SGCD: variants seen among roughly 807,000 people sequenced by gnomAD.
SGCD encodes the protein delta-sarcoglycan.
In SGCD, 18 loss-of-function variants were observed where a neutral mutation model predicts 36.6. That is an observed-to-expected ratio of 0.49 (90% confidence interval 0.34 to 0.73). The LOEUF (loss-of-function observed/expected upper bound fraction) is 0.73. Among genes scored for constraint, SGCD ranks in the 30% least tolerant of loss-of-function variants. The probability of loss-of-function intolerance (pLI) is 0.01; values close to 1 mark genes in which losing one functional copy is unlikely to be tolerated. For synonymous variants in SGCD, 133 were observed against 130.6 expected (o/e 1.02, Z -0.12); for missense variants, 387 against 346.7 (o/e 1.12, Z -0.92).
the SGCD span, among the ~76,000 whole-genome samples, chr5:155,735,975 A>T: frequency 6.6e-6 from 1 of 152,182 alleles, no homozygotes; most frequent in Non-Finnish European, 1.5e-5. Context: ...TCATGATCAG[A>T]TGATGCTCCT....
At chr5:156,370,739 G>A (rs748371004) in intron 3 of SGCD, among the ~76,000 whole-genome samples, 2 of 152,024 alleles carry the variant, frequency 1.3e-5, no homozygotes, top group East Asian at 1.9e-4. Flanking sequence ...GTTTTTTTAC[G>A]GAGTTGATAG....
chr5:155,744,416 T>TG, the SGCD span, among the ~76,000 whole-genome samples: 4 of 152,114 alleles, frequency 2.6e-5, no homozygotes, highest in South Asian at 6.2e-4. Context: ...GCTGAGATCA[T>TG]GCCACTGCAC....
chr5:156,070,683 T>A (rs1760519902), intron 1 of SGCD, among the ~76,000 whole-genome samples: 1 of 152,138 alleles, frequency 6.6e-6, no homozygotes, highest in South Asian at 2.1e-4. Context: ...TTTCTATTGA[T>A]TGGAATAGTT....
intron 3 of SGCD, among the ~76,000 whole-genome samples, chr5:156,204,891 A>G (rs866870681): frequency 6.6e-6 from 1 of 152,076 alleles, no homozygotes; most frequent in Non-Finnish European, 1.5e-5. Flanking sequence ...TTATCTGACA[A>G]TGAGTAATGT....
At chr5:156,549,176 GA>G (rs774565961) in intron 4 of SGCD, among the ~76,000 whole-genome samples, 10 of 149,304 alleles carry the variant, frequency 6.7e-5, no homozygotes, top group Non-Finnish European at 1.5e-5. Context: ...ATTTAAATAT[GA>G]TATTACCTTG....
At chr5:156,327,061 A>T (rs1767843397), upstream of SGCD, 1 of 152,584 alleles carries the variant, frequency 6.6e-6, no homozygotes, top group Non-Finnish European at 1.5e-5. Flanking sequence ...AGGCATGGGC[A>T]GGGACTTGGC....
chr5:156,182,742 G>T (rs983601283), intron 3 of SGCD, among the ~76,000 whole-genome samples: 1 of 152,140 alleles, frequency 6.6e-6, no homozygotes, highest in African/African-American at 2.4e-5. Context: ...TTGTGACTTT[G>T]CAGTTTCTCC....
chr5:156,361,806 C>G (rs7706091), intron 3 of SGCD, among the ~76,000 whole-genome samples: 96,249 of 152,032 alleles, frequency 0.63, 30,588 homozygotes, highest in East Asian at 0.86. Flanking sequence ...TATTCTGGTG[C>G]ATGAGATGGC....
At chr5:156,728,721 T>C (rs1365807899) in intron 7 of SGCD, among the ~76,000 whole-genome samples, 1 of 152,066 alleles carries the variant, frequency 6.6e-6, no homozygotes, top group African/African-American at 2.4e-5. Flanking sequence ...TTTTTCAACT[T>C]CACCGTGCAC....
intron 4 of SGCD, among the ~76,000 whole-genome samples, chr5:156,558,124 T>TA (rs56288003): frequency 0.17 from 20,414 of 121,050 alleles, 2,520 homozygotes; most frequent in Non-Finnish European, 0.22. Flanking sequence ...TATATATATA[T>TA]TATTTAACTC....
intron 1 of SGCD, among the ~76,000 whole-genome samples, chr5:156,090,290 CA>C (rs1417581558): frequency 6.6e-6 from 1 of 152,176 alleles, no homozygotes; most frequent in Non-Finnish European, 1.5e-5. Flanking sequence ...TCCAATATTT[CA>C]ACATAGGTTG....
At chr5:155,750,213 T>A in the SGCD span, among the ~76,000 whole-genome samples, 2 of 152,228 alleles carry the variant, frequency 1.3e-5, no homozygotes, top group East Asian at 3.8e-4. Context: ...CAATTTTGTG[T>A]AATCAAATGC....
At chr5:155,898,381 T>C (rs529070357) in intron 1 of SGCD, among the ~76,000 whole-genome samples, 1 of 152,316 alleles carries the variant, frequency 6.6e-6, no homozygotes, top group East Asian at 1.9e-4. Flanking sequence ...CAGACTTTTA[T>C]TTTCTCCTCT....
intron 3 of SGCD, among the ~76,000 whole-genome samples, chr5:156,491,091 T>C (rs1032011609): frequency 6.6e-6 from 1 of 151,918 alleles, no homozygotes; most frequent in Non-Finnish European, 1.5e-5. Context: ...TTATAATTGC[T>C]ACCAATAAAA....
the SGCD span, among the ~76,000 whole-genome samples, chr5:155,852,316 C>A: frequency 6.6e-6 from 1 of 151,978 alleles, no homozygotes; most frequent in Admixed American, 6.6e-5. Flanking sequence ...TGGAAATTGT[C>A]AATAGACTTG....
chr5:156,691,946 A>G (rs1293867004), intron 7 of SGCD, among the ~76,000 whole-genome samples: 1 of 86,814 alleles, frequency 1.2e-5, no homozygotes, highest in Non-Finnish European at 2.2e-5. Context: ...ATGAACTGTT[A>G]GAATGTAAAA....
intron 5 of SGCD, among the ~76,000 whole-genome samples, chr5:156,591,526 C>T (rs1760722056): frequency 6.6e-6 from 1 of 152,102 alleles, no homozygotes; most frequent in Non-Finnish European, 1.5e-5. Context: ...GGGAAGGGTT[C>T]TAGTGTTAAG....
At chr5:156,323,037 T>C (rs1194204242), upstream of SGCD, among the ~76,000 whole-genome samples, 1 of 152,152 alleles carries the variant, frequency 6.6e-6, no homozygotes, top group African/African-American at 2.4e-5. Context: ...TCTAGTCAGC[T>C]TAAAAGCTAC....
chr5:155,898,289 A>G (rs1756313673), intron 1 of SGCD, among the ~76,000 whole-genome samples: 2 of 152,202 alleles, frequency 1.3e-5, no homozygotes, highest in Non-Finnish European at 2.9e-5. Flanking sequence ...AAAAAATCAA[A>G]TGGAGTGATA....
Sources: gnomAD v4.1 joint callset for allele counts (sites outside exome capture counted in the v4.1 genomes callset) on GRCh38, gnomAD v4.1.1 for gene constraint, MANE v1.5 for transcripts, NCBI Gene and HGNC (gene_info 2026-07-23, HGNC 2026-07-21) for gene names.